The following LRRC7 variants were observed in gnomAD, a reference collection of about 807,000 sequenced individuals.
LRRC7 encodes leucine-rich repeat-containing protein 7.
Under a neutral mutation model 175.7 loss-of-function variants are expected in LRRC7, and 23 were observed. The observed-to-expected ratio is 0.13, with a 90% CI of 0.09 to 0.19. The LOEUF is 0.19. LRRC7 is among the 10% of genes least tolerant of loss of function. LRRC7 has a pLI of 1.00. For missense variants in LRRC7, 1,354 were observed against 1,904.7 expected, an observed-to-expected ratio of 0.71 and a Z score of 5.38; for synonymous variants, 685 against 680.9, an observed-to-expected ratio of 1.01 and a Z score of -0.09.
At chr1:69,903,865 A>G (rs1646214167) in intron 7 of LRRC7, among the ~76,000 whole-genome samples, 3 of 152,226 alleles carry the variant, frequency 2.0e-5, no homozygotes, top group Admixed American at 6.5e-5. Context: ...ATCAGAGAAT[A>G]CTATAAACAC....
intron 11 of LRRC7, among the ~76,000 whole-genome samples, chr1:70,006,511 G>A (rs577873466): frequency 6.6e-6 from 1 of 151,908 alleles, no homozygotes; most frequent in African/African-American, 2.4e-5. Flanking sequence ...ACCAATATGT[G>A]TTTTTCCTAC....
At chr1:69,734,090 C>T (rs1667858360) in intron 2 of LRRC7, among the ~76,000 whole-genome samples, 1 of 151,402 alleles carries the variant, frequency 6.6e-6, no homozygotes, top group Admixed American at 6.6e-5. Context: ...TATTTATCAG[C>T]AATCCAAGTT....
At chr1:69,685,718 CA>C (rs1243753469) in intron 2 of LRRC7, among the ~76,000 whole-genome samples, 1 of 151,938 alleles carries the variant, frequency 6.6e-6, no homozygotes, top group Non-Finnish European at 1.5e-5. Context: ...AACAGAACCT[CA>C]GGGATTTGTG....
chr1:69,779,638 C>G (rs891724464), intron 3 of LRRC7, among the ~76,000 whole-genome samples: 1 of 152,104 alleles, frequency 6.6e-6, no homozygotes, highest in African/African-American at 2.4e-5. Context: ...AAAAATGATT[C>G]AACAACATCT....
intron 7 of LRRC7, chr1:69,873,581 G>A (rs1241548755): frequency 2.0e-6 from 1 of 509,422 alleles, no homozygotes; most frequent in African/African-American, 2.0e-5. Flanking sequence ...GCAGCATCAG[G>A]AGCATCAGCA....
At chr1:69,861,521 G>A (rs1684352556) in intron 7 of LRRC7, among the ~76,000 whole-genome samples, 1 of 152,108 alleles carries the variant, frequency 6.6e-6, no homozygotes, top group African/African-American at 2.4e-5. Context: ...AACATGACAA[G>A]CAATTTAACA....
At chr1:69,730,559 T>C (rs1003851851) in intron 2 of LRRC7, among the ~76,000 whole-genome samples, 3 of 152,174 alleles carry the variant, frequency 2.0e-5, no homozygotes, top group East Asian at 3.9e-4. Context: ...CACTTTATTG[T>C]CCATATCACT....
intron 26 of LRRC7, 58 bp from the exon 27 acceptor site, chr1:70,121,721 AC>A (rs1666220630): frequency 9.0e-7 from 1 of 1,110,848 alleles, no homozygotes; most frequent in African/African-American, 1.6e-5. Context: ...ATGAATAGAA[AC>A]AACGATACAG....
intron 11 of LRRC7, among the ~76,000 whole-genome samples, chr1:69,997,654 A>G (rs1177752778): frequency 6.7e-6 from 1 of 149,978 alleles, no homozygotes; most frequent in Non-Finnish European, 1.5e-5. Context: ...ATCTATTGAG[A>G]TAATCATGTG....
chr1:69,723,980 C>T (rs1666648487), intron 2 of LRRC7, among the ~76,000 whole-genome samples: 1 of 152,224 alleles, frequency 6.6e-6, no homozygotes, highest in Admixed American at 6.5e-5. Flanking sequence ...TGAAAACATT[C>T]CATTCACTGC....
At chr1:69,792,192 G>T (rs1429967130) in intron 4 of LRRC7, 32 bp downstream of exon 4, 3 of 1,215,466 alleles carry the variant, frequency 2.5e-6, no homozygotes, top group Non-Finnish European at 3.6e-6. Flanking sequence ...AAAATACCTA[G>T]AATTTTTTAA....
At chr1:69,821,856 A>G (rs1028581088) in intron 4 of LRRC7, among the ~76,000 whole-genome samples, 2 of 151,906 alleles carry the variant, frequency 1.3e-5, no homozygotes, top group East Asian at 1.9e-4. Flanking sequence ...GATTGTGCCA[A>G]TGCACTCCAG....
chr1:69,885,170 G>T (rs1687050053), intron 7 of LRRC7, among the ~76,000 whole-genome samples: 1 of 109,172 alleles, frequency 9.2e-6, no homozygotes, highest in Non-Finnish European at 1.9e-5. Flanking sequence ...TCTATTGATT[G>T]GAATAGTTTC....
intron 1 of LRRC7, among the ~76,000 whole-genome samples, chr1:69,632,093 A>C (rs947191936): frequency 1.3e-5 from 2 of 152,136 alleles, no homozygotes; most frequent in Non-Finnish European, 2.9e-5. Context: ...GTTATCTAAT[A>C]AAATGTCTTC....
intron 21 of LRRC7, among the ~76,000 whole-genome samples, chr1:70,040,053 C>A (rs1185762560): frequency 6.6e-6 from 1 of 152,158 alleles, no homozygotes; most frequent in Non-Finnish European, 1.5e-5. Flanking sequence ...GAATTCAACT[C>A]CATTAGAGGG....
intron 2 of LRRC7, among the ~76,000 whole-genome samples, chr1:69,756,165 A>C (rs2100918132): frequency 6.6e-6 from 1 of 152,082 alleles, no homozygotes; most frequent in Non-Finnish European, 1.5e-5. Context: ...TATTAGATAA[A>C]GGGTAAGACA....
At chr1:69,667,791 C>G (rs1383962033) in intron 1 of LRRC7, among the ~76,000 whole-genome samples, 3 of 152,096 alleles carry the variant, frequency 2.0e-5, no homozygotes. Flanking sequence ...AGAGTTTAGT[C>G]TATTTATATT....
intron 8 of LRRC7, among the ~76,000 whole-genome samples, chr1:69,937,736 A>C (rs561629170): frequency 6.6e-6 from 1 of 152,184 alleles, no homozygotes; most frequent in Non-Finnish European, 1.5e-5. Flanking sequence ...AGAAATATGA[A>C]TATAAAATCA....
At position 70,143,232 on chromosome 1, in the gene LRRC7, C is replaced by A. The variant is rs1402331081; in HGVS notation, c.*21345C>A. On this transcript the variant is annotated 3_prime_UTR_variant, in exon 27 of 27. Transcript: ENST00000651989. ...TTTTTTTTAATGATCTCTGACTTCA[C>A]TACCATATGTGCAGCACAACAGTGA... 1 of 150,038 alleles carries A rather than the reference C, an allele frequency of 6.7e-6. No homozygotes were observed. Among genetic ancestry groups the A allele is most frequent in the Non-Finnish European group, 1.5e-5 (1 of 67,686 alleles). The allele number at this position is 150,038 out of a possible 1,614,324, so 9.3% of individuals were successfully genotyped here. A position where few individuals can be genotyped will look rare whatever the true frequency, so the allele number is the denominator to read the frequency against.
Sources: gnomAD v4.1 joint callset for allele counts (sites outside exome capture counted in the v4.1 genomes callset) on GRCh38, gnomAD v4.1.1 for gene constraint, MANE v1.5 for transcripts, NCBI Gene and HGNC (gene_info 2026-07-23, HGNC 2026-07-21) for gene names.